DPYSL3: variants seen among roughly 807,000 people sequenced by gnomAD.
DPYSL3 encodes dihydropyrimidinase-related protein 3.
In DPYSL3, 16 loss-of-function variants were observed where a neutral mutation model predicts 66.1. The observed-to-expected ratio is 0.24, with a 90% confidence interval of 0.16 to 0.37. The LOEUF (loss-of-function observed/expected upper bound fraction) is 0.37, where lower values mean the gene tolerates loss of function less well. DPYSL3 is among the 10% of genes least tolerant of loss of function. DPYSL3 has a pLI of 1.00. For synonymous variants in DPYSL3, 338 were observed against 345.1 expected, an observed-to-expected ratio of 0.98 and a Z score of 0.23; for missense variants, 738 against 916.2, an observed-to-expected ratio of 0.81 and a Z score of 2.51.
intron 3 of DPYSL3, among the ~76,000 whole-genome samples, chr5:147,416,094 G>A (rs1317111567): frequency 1.3e-5 from 2 of 152,132 alleles, no homozygotes; most frequent in East Asian, 3.9e-4. Flanking sequence ...CTAAATCTCA[G>A]TTTTCTTTCC....
chr5:147,402,353 T>C (rs1004890363), intron 8 of DPYSL3, among the ~76,000 whole-genome samples: 6 of 132,792 alleles, frequency 4.5e-5, no homozygotes, highest in African/African-American at 1.2e-4. Context: ...TTTTTTTTTT[T>C]CTTTTTTTTT....
chr5:147,495,785 T>G (rs1331739329), intron 1 of DPYSL3, among the ~76,000 whole-genome samples: 6 of 152,252 alleles, frequency 3.9e-5, no homozygotes, highest in East Asian at 1.9e-4. Context: ...CATGTTCATG[T>G]GTAGGAAGAA....
chr5:147,499,404 C>T (rs1042223197), intron 1 of DPYSL3, among the ~76,000 whole-genome samples: 1 of 151,938 alleles, frequency 6.6e-6, no homozygotes, highest in African/African-American at 2.4e-5. Context: ...TACATTAGCA[C>T]CCTGGAAATG....
chr5:147,469,616 A>G (rs1466581900), intron 1 of DPYSL3, among the ~76,000 whole-genome samples: 1 of 152,208 alleles, frequency 6.6e-6, no homozygotes, highest in Non-Finnish European at 1.5e-5. Flanking sequence ...ACCCAATCAA[A>G]AGATAGCCAA....
At chr5:147,461,930 C>G (rs376420070) in intron 1 of DPYSL3, among the ~76,000 whole-genome samples, 1 of 152,212 alleles carries the variant, frequency 6.6e-6, no homozygotes, top group South Asian at 2.1e-4. Flanking sequence ...GCTCCAAAAC[C>G]GAACCCCTAC....
At chr5:147,403,697 T>A (rs1043896187) in intron 8 of DPYSL3, among the ~76,000 whole-genome samples, 2 of 152,178 alleles carry the variant, frequency 1.3e-5, no homozygotes, top group Non-Finnish European at 2.9e-5. Context: ...TTCAACCATA[T>A]CCTGCTCAGG....
At chr5:147,483,880 C>A (rs1160980993) in intron 1 of DPYSL3, among the ~76,000 whole-genome samples, 1 of 152,058 alleles carries the variant, frequency 6.6e-6, no homozygotes, top group Non-Finnish European at 1.5e-5. Flanking sequence ...AATAATATCT[C>A]CCCCCCAAGG....
intron 7 of DPYSL3, among the ~76,000 whole-genome samples, chr5:147,406,976 T>C (rs1758340011): frequency 6.6e-6 from 1 of 152,156 alleles, no homozygotes; most frequent in South Asian, 2.1e-4. Flanking sequence ...AGGCCCCTGG[T>C]CATATGTGAA....
At chr5:147,406,428 C>T (rs1182698573) in intron 7 of DPYSL3, among the ~76,000 whole-genome samples, 1 of 152,190 alleles carries the variant, frequency 6.6e-6, no homozygotes, top group Non-Finnish European at 1.5e-5. Context: ...GGTTCTGACA[C>T]TTATAAGCTA....
chr5:147,441,331 G>A (rs1411927587), intron 1 of DPYSL3, among the ~76,000 whole-genome samples: 1 of 151,560 alleles, frequency 6.6e-6, no homozygotes, highest in African/African-American at 2.4e-5. Context: ...TTGGTATATA[G>A]ATCAAACTCC....
At chr5:147,431,809 T>C (rs922003879) in intron 1 of DPYSL3, among the ~76,000 whole-genome samples, 1 of 152,114 alleles carries the variant, frequency 6.6e-6, no homozygotes, top group Admixed American at 6.6e-5. Flanking sequence ...AGGTCATTTT[T>C]CCTCTGGAAA....
intron 1 of DPYSL3, among the ~76,000 whole-genome samples, chr5:147,466,563 A>G (rs1054248135): frequency 1.3e-5 from 2 of 152,146 alleles, no homozygotes; most frequent in Non-Finnish European, 1.5e-5. Context: ...AGTGCAGTCA[A>G]TTTCACCCTT....
In DPYSL3 at chr5:147,415,630, A is replaced by G. The variant is rs1041189513; in HGVS notation, c.820+79T>C. The stretch of plus-strand genomic sequence containing the variant: ...TCCAGGCTCCAAGTAAAAGACAGTG[A>G]CTGAAATGAGTGGATGGTGTTGGAA... On this transcript the variant is annotated intron_variant, in intron 4 of 13. Transcript: ENST00000343218. The G allele has an allele frequency of 7.2e-6, 11 of 1,531,174 alleles. No individual in the cohort carries two copies. In the Admixed American group the frequency reaches 7.3e-5, roughly 10 times the overall value. 94.8% of individuals were successfully genotyped at this position (1,531,174 alleles called of 1,614,324 possible).
chr5:147,450,894 A>T (rs2126393055), intron 1 of DPYSL3, among the ~76,000 whole-genome samples: 1 of 152,258 alleles, frequency 6.6e-6, no homozygotes, highest in Non-Finnish European at 1.5e-5. Context: ...TAGAAAATTC[A>T]ATTCAAATTC....
At chr5:147,394,168 G>A in intron 13 of DPYSL3, 45 bp from the exon 14 acceptor site, 1 of 1,591,080 alleles carries the variant, frequency 6.3e-7, no homozygotes, top group Non-Finnish European at 8.6e-7. Flanking sequence ...AAAACAGAGT[G>A]GCGGGTAGGG....
intron 1 of DPYSL3, among the ~76,000 whole-genome samples, chr5:147,465,310 CTT>C (rs1307705332): frequency 6.6e-6 from 1 of 151,296 alleles, no homozygotes; most frequent in Non-Finnish European, 1.5e-5. Flanking sequence ...CCAGGTCTCT[CTT>C]TTTTTTTGAC....
chr5:147,403,298 G>A (rs541466032), intron 8 of DPYSL3, among the ~76,000 whole-genome samples: 1 of 152,202 alleles, frequency 6.6e-6, no homozygotes, highest in African/African-American at 2.4e-5. Flanking sequence ...GGACCATAAA[G>A]ATATGAAGAA....
chr5:147,490,783 G>A (rs1282345999), intron 1 of DPYSL3, among the ~76,000 whole-genome samples: 1 of 152,104 alleles, frequency 6.6e-6, no homozygotes, highest in East Asian at 1.9e-4. Flanking sequence ...AGCAGCCTGG[G>A]ATAGGAAAAC....
intron 1 of DPYSL3, among the ~76,000 whole-genome samples, chr5:147,440,481 G>A (rs1166236726): frequency 6.6e-6 from 1 of 152,184 alleles, no homozygotes; most frequent in African/African-American, 2.4e-5. Flanking sequence ...CTGGTTTCCT[G>A]CTTTAGCAAA....
Sources: allele counts gnomAD v4.1 joint callset (sites outside exome capture counted in the v4.1 genomes callset), GRCh38; gene constraint gnomAD v4.1.1; transcripts MANE v1.5; gene names NCBI Gene and HGNC (gene_info 2026-07-23, HGNC 2026-07-21).